The following HARS1 variants were observed in gnomAD, a reference collection of about 807,000 sequenced individuals.
HARS1 encodes the protein histidine--tRNA ligase, cytoplasmic.
HARS1 carries 45 observed loss-of-function variants against 63.6 expected under a neutral mutation model. That is an observed-to-expected ratio of 0.71 (90% CI 0.56 to 0.91). The LOEUF (loss-of-function observed/expected upper bound fraction) is 0.91. HARS1 is among the 40% of genes least tolerant of loss of function. The pLI, the probability that HARS1 is intolerant of heterozygous loss-of-function variation, is 0.00. For missense variants in HARS1, 508 were observed against 643.2 expected (o/e 0.79, Z 2.27); for synonymous variants, 205 against 247.1 (o/e 0.83, Z 1.60).
In HARS1 at chr5:140,679,820, C is replaced by T. The variant is rs749493279; in HGVS notation, c.364G>A (p.Gly122Arg). 10 of 1,609,016 alleles carry T rather than the reference C, an allele frequency of 6.2e-6. No homozygotes were observed. The highest frequency in any genetic ancestry group is 4.5e-5 in the East Asian group (2 of 44,840). The change falls in exon 4 of 13, where the codon GGG (glycine) becomes AGG (arginine). Residue 122 changes from glycine to arginine, a missense_variant. This residue lies in a region of HARS1 where 403 missense variants were observed against 548.7 expected (regional missense o/e 0.73). Coordinates refer to ENST00000504156, the MANE Select transcript of HARS1 (RefSeq NM_002109.6). This position sits in a 1 kb window ranked among gnomAD's most constrained non-coding sequence, Gnocchi z 4.3. Reference protein sequence around the residue: ...KLIYDLKDQGGELLSLRYDLT... With the variant: ...KLIYDLKDQGRELLSLRYDLT... ...TCATAGCGAAGGGACAGGAGCTCCC[C>T]GCCCTGGTCCTTCAGGTCATAGATA...
chr5:140,689,390 T>C (rs1455052228), intron 2 of HARS1, among the ~76,000 whole-genome samples: 10 of 152,234 alleles, frequency 6.6e-5, no homozygotes. Flanking sequence ...TTAGACAATG[T>C]AAAGGCTATG....
chr5:140,676,833 C>T lies in HARS1; in HGVS notation c.1015G>A (p.Val339Met), dbSNP rs1483776550. ...DYYTGVIYEA[V>M]LLQTPAQAGE... is the part of the protein sequence containing the mutation. ...GCCTGGGCTGGGGTCTGTAGCAGCACTGCCTCATAGATCACCCCAGTGTAG... is the reference window on the plus strand; with the variant it reads ...GCCTGGGCTGGGGTCTGTAGCAGCATTGCCTCATAGATCACCCCAGTGTAG... Residue 339 changes from valine (V) to methionine (M), a missense_variant, in exon 10 of 13, where the codon GTG (valine) becomes ATG (methionine). Val to Met is a conservative substitution (Grantham distance 21). Coordinates refer to ENST00000504156, the MANE Select transcript of HARS1 (RefSeq NM_002109.6). This position sits in a 1 kb window ranked among gnomAD's most constrained non-coding sequence, Gnocchi z 4.1. 1 of 1,614,282 alleles carries T rather than the reference C, an allele frequency of 6.2e-7. No individual in the cohort carries two copies. Among genetic ancestry groups the T allele is most frequent in the Non-Finnish European group, 8.5e-7 (1 of 1,180,050 alleles).
chr5:140,684,874 A>G (rs955283283), intron 2 of HARS1: 3 of 152,254 alleles, frequency 2.0e-5, no homozygotes, highest in Admixed American at 2.0e-4. Context: ...ACTGTTTTCC[A>G]AAACAATTTA....
At chr5:140,690,786 G>A in intron 2 of HARS1, 69 bp downstream of exon 2, 2 of 878,492 alleles carry the variant, frequency 2.3e-6, no homozygotes, top group Non-Finnish European at 3.9e-6. Context: ...GGTTTAGGGA[G>A]GCAGACATAA....
At chr5:140,683,335 AG>A in intron 2 of HARS1, 116 bp from the exon 3 acceptor site, 1 of 1,102,988 alleles carries the variant, frequency 9.1e-7, no homozygotes, top group East Asian at 2.6e-5. Context: ...TGCTCTAAAC[AG>A]ATTTTCCTAC....
At chr5:140,686,384 C>T (rs954191132) in intron 2 of HARS1, among the ~76,000 whole-genome samples, 1 of 152,150 alleles carries the variant, frequency 6.6e-6, no homozygotes, top group East Asian at 1.9e-4. Flanking sequence ...GGATTACAGA[C>T]GTGAGCTACC....
intron 2 of HARS1, chr5:140,687,784 G>A (rs975929543): frequency 1.3e-5 from 2 of 151,998 alleles, no homozygotes; most frequent in Non-Finnish European, 2.9e-5. Context: ...TTAACACAAC[G>A]AAAAAGGCAG....
rs1406165049 is a variant in HARS1, at chr5:140,676,978, A to G, written c.951+11T>C. On this transcript the variant is annotated intron_variant, in intron 9 of 12. Coordinates refer to ENST00000504156, the MANE Select transcript of HARS1 (RefSeq NM_002109.6). The surrounding 1 kb of genome is among the most constrained non-coding windows in gnomAD (Gnocchi z 4.1). ...GAGCTCAGAAGGGATCCCGTCCCCAACTTGACTCACTTTGTCATCAATGCC... is the reference window on the plus strand; with the variant it reads ...GAGCTCAGAAGGGATCCCGTCCCCAGCTTGACTCACTTTGTCATCAATGCC... The G allele has an allele frequency of 1.2e-6, 2 of 1,614,216 alleles. No individual in the cohort carries two copies. The highest frequency in any genetic ancestry group is 3.3e-5 in the Admixed American group (2 of 60,032).
chr5:140,690,508 G>A (rs559824360), intron 2 of HARS1, among the ~76,000 whole-genome samples: 1 of 152,170 alleles, frequency 6.6e-6, no homozygotes, highest in South Asian at 2.1e-4. Context: ...TCCTTCAGTA[G>A]AATGTAAGCT....
At chr5:140,678,209 TG>T (rs1011093623) in intron 5 of HARS1, 194 bp from the exon 6 acceptor site, 3 of 590,752 alleles carry the variant, frequency 5.1e-6, no homozygotes, top group Non-Finnish European at 9.0e-6. Context: ...TTCCATCTAC[TG>T]GGCTATTCCT....
Position 140,676,885 on chromosome 5 carries a change from G to A in HARS1, c.963C>T (p.Asp321=), listed in dbSNP as rs1267161123. Residue 321 remains aspartate (D), a synonymous_variant, in exon 10 of 13, where the codon GAC becomes GAT. Transcript: ENST00000504156. The surrounding 1 kb of genome is among the most constrained non-coding windows in gnomAD (Gnocchi z 4.1). ...AATCCAGCCCTCGAGCAAGGCTCAG[G>A]TCAAAGGAGATCTGTGGAGATAAGA... ...LFGIDDKISF[D]LSLARGLDYY... is the part of the protein sequence containing the mutation. 1 of 1,613,666 alleles carries A rather than the reference G, an allele frequency of 6.2e-7. No homozygotes were observed. Among genetic ancestry groups the A allele is most frequent in the African/African-American group, 1.3e-5 (1 of 75,054 alleles).
chr5:140,683,612 G>T, intron 2 of HARS1: 2 of 372,918 alleles, frequency 5.4e-6, no homozygotes, highest in Non-Finnish European at 7.5e-6. Context: ...CAGATGGATT[G>T]CCTGAGGTCA....
chr5:140,676,698 T>C lies in HARS1; in HGVS notation c.1150A>G (p.Ile384Val), dbSNP rs768703211. 3.1e-6 allele frequency: 5 copies of C among 1,614,212 alleles called. No homozygotes were observed. Among genetic ancestry groups the C allele is most frequent in the Non-Finnish European group, 3.4e-6 (4 of 1,180,038 alleles). The change falls in exon 10 of 13, where the codon ATT becomes GTT. Residue 384 changes from isoleucine (I) to valine (V), a missense_variant. Coordinates refer to ENST00000504156, the MANE Select transcript of HARS1 (RefSeq NM_002109.6). The surrounding 1 kb of genome is among the most constrained non-coding windows in gnomAD (Gnocchi z 4.1). ...GRKVPCVGLS[I>V]GVERIFSIVE... ...ATGGAGAAAATCCGCTCCACCCCAATGCTGAGCCCCACACATGGCACCTTG... is the reference window on the plus strand; with the variant it reads ...ATGGAGAAAATCCGCTCCACCCCAACGCTGAGCCCCACACATGGCACCTTG...
chr5:140,687,728 A>G (rs1231019787), intron 2 of HARS1: 6 of 152,236 alleles, frequency 3.9e-5, no homozygotes, highest in African/African-American at 1.4e-4. Context: ...ATGCTAAGGC[A>G]CCAGCAGTTC....
chr5:140,679,611 G>A lies in HARS1; in HGVS notation c.396+177C>T. On this transcript the variant is annotated intron_variant, in intron 4 of 12. Transcript: ENST00000504156. The surrounding 1 kb of genome is among the most constrained non-coding windows in gnomAD (Gnocchi z 4.3). The stretch of plus-strand genomic sequence containing the variant: ...CTGAGGTCTCACTCAGGATTCAGAA[G>A]ATTTCTAAGGATGTGTATGCTCTGT... The A allele has an allele frequency of 1.9e-6, 1 of 517,472 alleles. No homozygotes were observed. The highest frequency in any genetic ancestry group is 3.1e-5 in the South Asian group (1 of 32,628). The allele number at this position is 517,472 out of a possible 1,614,324, so 32.1% of individuals were successfully genotyped here.
At chr5:140,686,636 C>T (rs1454039728) in intron 2 of HARS1, among the ~76,000 whole-genome samples, 3 of 148,276 alleles carry the variant, frequency 2.0e-5, no homozygotes, top group African/African-American at 7.5e-5. Context: ...TAGTTTCACT[C>T]GTTGCCTAGG....
intron 2 of HARS1, among the ~76,000 whole-genome samples, chr5:140,686,465 C>T (rs1192838776): frequency 6.6e-6 from 1 of 152,164 alleles, no homozygotes; most frequent in Non-Finnish European, 1.5e-5. Flanking sequence ...TCTCAAACTC[C>T]CGACCTCAGG....
chr5:140,684,263 C>G, intron 2 of HARS1: 2 of 745,262 alleles, frequency 2.7e-6, no homozygotes, highest in Non-Finnish European at 3.3e-6. Context: ...GCACTCCAGC[C>G]TGGGAGACAG....
Position 140,691,356 on chromosome 5 carries a change from A to G in HARS1, c.-52T>C, listed in dbSNP as rs1056947980. 1 of 1,381,668 alleles carries G rather than the reference A, an allele frequency of 7.2e-7. No individual in the cohort carries two copies. Among genetic ancestry groups the G allele is most frequent in the Non-Finnish European group, 1.0e-6 (1 of 1,000,860 alleles). 85.6% of individuals were successfully genotyped at this position (1,381,668 alleles called of 1,614,324 possible). A position where few individuals can be genotyped will look rare whatever the true frequency, so the allele number is the denominator to read the frequency against. On this transcript the variant is annotated 5_prime_UTR_variant, in exon 1 of 13. Coordinates refer to ENST00000504156, the MANE Select transcript of HARS1 (RefSeq NM_002109.6). ...TGTCTCGACCTGCGGTGGTTGCCCCAGCCTCAGCAAGGATGACTTCCGGCT... is the reference window on the plus strand; with the variant it reads ...TGTCTCGACCTGCGGTGGTTGCCCCGGCCTCAGCAAGGATGACTTCCGGCT...
Sources: gnomAD v4.1 joint callset for allele counts (sites outside exome capture counted in the v4.1 genomes callset) on GRCh38, gnomAD v4.1.1 for gene constraint, gnomAD v4.1.1 regional missense constraint, Gnocchi (gnomAD v3.1) non-coding constraint, MANE v1.5 for transcripts, NCBI Gene and HGNC (gene_info 2026-07-23, HGNC 2026-07-21) for gene names.